Variants in EFCAB6 observed in about 807,000 individuals in gnomAD.
The protein encoded by EFCAB6 is EF-hand calcium-binding domain-containing protein 6.
Under a neutral mutation model 169.8 loss-of-function variants are expected in EFCAB6, and 156 were observed. The observed-to-expected ratio is 0.92, with a 90% CI of 0.81 to 1.05. The LOEUF (loss-of-function observed/expected upper bound fraction) is 1.05. Among genes scored for constraint, EFCAB6 ranks in the 50% least tolerant of loss-of-function variants. The probability of loss-of-function intolerance (pLI) is 0.00; values close to 1 mark genes in which losing one functional copy is unlikely to be tolerated. For synonymous variants in EFCAB6, 698 were observed against 676.4 expected, an observed-to-expected ratio of 1.03 and a Z score of -0.50; for missense variants, 1,800 against 1,829.1, an observed-to-expected ratio of 0.98 and a Z score of 0.29.
At chr22:43,609,721 T>C (rs531716780) in intron 21 of EFCAB6, among the ~76,000 whole-genome samples, 1 of 152,334 alleles carries the variant, frequency 6.6e-6, no homozygotes, top group East Asian at 1.9e-4. Flanking sequence ...AAAGGTGTCA[T>C]TTTCTTTGTG....
chr22:43,771,386 C>T (rs774386271), intron 4 of EFCAB6, among the ~76,000 whole-genome samples: 12 of 152,004 alleles, frequency 7.9e-5, no homozygotes, highest in South Asian at 2.1e-4. Context: ...GCCAAGATAG[C>T]GCCACTGCAC....
intron 17 of EFCAB6, among the ~76,000 whole-genome samples, chr22:43,642,408 T>C (rs79123285): frequency 2.7e-5 from 4 of 150,306 alleles, no homozygotes; most frequent in African/African-American, 4.9e-5. Flanking sequence ...AAAAAAAAAG[T>C]CTGCCTTGTC....
chr22:43,598,567 T>C lies in EFCAB6; in HGVS notation c.2876+1502A>G, dbSNP rs200744253. Among the ~76,000 whole-genome samples, 14 of 152,302 alleles carry C rather than the reference T, an allele frequency of 9.2e-5. No individual in the cohort carries two copies. In the East Asian group the frequency reaches 1.7e-3, roughly 19 times the overall value. On this transcript the variant is annotated intron_variant, in intron 23 of 31. Coordinates refer to ENST00000262726, the MANE Select transcript of EFCAB6 (RefSeq NM_022785.4). ...AATTTTATAACAATAAAATGTTATA[T>C]TGAAGTACACAATAATTTTATTGTA...
chr22:43,592,647 T>A (rs1602479470), intron 23 of EFCAB6, among the ~76,000 whole-genome samples: 1 of 152,082 alleles, frequency 6.6e-6, no homozygotes, highest in East Asian at 1.9e-4. Context: ...CTGCGCTGGG[T>A]CTATGTCCAG....
At chr22:43,670,213 T>C (rs371724115) in intron 15 of EFCAB6, among the ~76,000 whole-genome samples, 37 of 152,320 alleles carry the variant, frequency 2.4e-4, no homozygotes, top group African/African-American at 8.7e-4. Flanking sequence ...GCACAGCAAG[T>C]ACACTTGTTT....
chr22:43,799,884 T>C (rs886782621), intron 2 of EFCAB6, among the ~76,000 whole-genome samples: 1 of 152,066 alleles, frequency 6.6e-6, no homozygotes, highest in Non-Finnish European at 1.5e-5. Context: ...CAAGAAATTT[T>C]CCCCCAATTC....
intron 27 of EFCAB6, chr22:43,553,895 G>A (rs1239969347): frequency 6.5e-6 from 1 of 152,776 alleles, no homozygotes; most frequent in Non-Finnish European, 1.5e-5. Flanking sequence ...GGATCTTAGA[G>A]AGGCAGGGCC....
chr22:43,710,810 G>A (rs1325531182), intron 10 of EFCAB6, among the ~76,000 whole-genome samples: 1 of 152,110 alleles, frequency 6.6e-6, no homozygotes, highest in Non-Finnish European at 1.5e-5. Flanking sequence ...AATGAACATG[G>A]GTCTGTACAT....
Position 43,735,920 on chromosome 22 carries a change from G to A in EFCAB6, c.581C>T (p.Pro194Leu), listed in dbSNP as rs778116425. 3.2e-5 allele frequency: 51 copies of A among 1,613,932 alleles called. No homozygotes were observed. The highest frequency in any genetic ancestry group is 4.2e-5 in the Non-Finnish European group (49 of 1,180,026). Residue 194 changes from proline (P) to leucine (L), a missense_variant, in exon 7 of 32, where the codon CCG becomes CTG. Coordinates refer to ENST00000262726, the MANE Select transcript of EFCAB6 (RefSeq NM_022785.4). ...IDVNKTGLVR[P>L]QELRRVLETF... ...CTCCAGAACCCTTCTTAGCTCCTGC[G>A]GTCGAACCAGTCCAGTCTTGTTAAC...
intron 17 of EFCAB6, among the ~76,000 whole-genome samples, chr22:43,645,198 A>G (rs1306112474): frequency 1.3e-5 from 2 of 152,212 alleles, no homozygotes; most frequent in Non-Finnish European, 2.9e-5. Context: ...CTCCCTTCCC[A>G]ATAAAAATTC....
At chr22:43,564,938 G>A (rs146596617) in intron 26 of EFCAB6, among the ~76,000 whole-genome samples, 1,673 of 152,304 alleles carry the variant, frequency 0.011, 19 homozygotes, top group Admixed American at 0.021. Flanking sequence ...GTGCACGTGC[G>A]TTTGCTTTCT....
chr22:43,565,040 T>A (rs1423401985), intron 26 of EFCAB6, among the ~76,000 whole-genome samples: 1 of 152,188 alleles, frequency 6.6e-6, no homozygotes, highest in Non-Finnish European at 1.5e-5. Flanking sequence ...CAGCTCCCAC[T>A]ACAGAAGCTG....
At chr22:43,626,858 C>A (rs2054564155) in intron 19 of EFCAB6, among the ~76,000 whole-genome samples, 179 bp from the exon 20 acceptor site, 1 of 152,122 alleles carries the variant, frequency 6.6e-6, no homozygotes, top group South Asian at 2.1e-4. Context: ...TTGCTTTTCC[C>A]AAGAAATTAT....
chr22:43,631,992 G>A lies in EFCAB6; in HGVS notation c.2232+113C>T, dbSNP rs967805418. 19 of 1,430,990 alleles carry A rather than the reference G, an allele frequency of 1.3e-5. 1 individual carries two copies. Among genetic ancestry groups the A allele is most frequent in the Admixed American group, 4.5e-5 (2 of 44,916 alleles). 88.6% of individuals were successfully genotyped at this position (1,430,990 alleles called of 1,614,324 possible). ...GGGTCTGCAGAGGGAAATGCTCTGT[G>A]TCCCTTGGGCTGACTGGGACATGAC... On this transcript the variant is annotated intron_variant, in intron 19 of 31. Transcript: ENST00000262726.
At chr22:43,765,204 A>T (rs368048105) in intron 5 of EFCAB6, 101 bp downstream of exon 5, 5 of 825,714 alleles carry the variant, frequency 6.1e-6, no homozygotes, top group Non-Finnish European at 6.0e-6. Flanking sequence ...CTCATCTTCC[A>T]TATATAGCTG....
chr22:43,722,641 G>A lies in EFCAB6; in HGVS notation c.758-5669C>T, dbSNP rs543520050. 4.3e-4 allele frequency among the ~76,000 whole-genome samples: 65 copies of A among 152,252 alleles called. 1 individual carries two copies. In the Middle Eastern group the frequency reaches 0.02, roughly 48 times the overall value. On this transcript the variant is annotated intron_variant, in intron 8 of 31. Coordinates refer to ENST00000262726, the MANE Select transcript of EFCAB6 (RefSeq NM_022785.4). ...ATCAGTTCAGCTACTGTGGAAAGCA[G>A]TTTGGAGATTTCTCAAAGAATTTAA... is the stretch of plus-strand genomic sequence containing the variant.
rs1473958665 is a variant in EFCAB6, at chr22:43,590,142, C to T, written c.2964G>A (p.Lys988=). The change falls in exon 24 of 32, where the codon AAG becomes AAA. Residue 988 remains lysine (K), a synonymous_variant. Coordinates refer to ENST00000262726, the MANE Select transcript of EFCAB6 (RefSeq NM_022785.4). ...CACATTCTTCCAGCACTTCCTGCAT[C>T]TTGCATATGGATATGTAGTTGGTTT... The part of the protein sequence containing the change: ...QSKTNYISIC[K]MQEVLEECGC... The T allele has an allele frequency of 3.1e-6, 5 of 1,614,066 alleles. No homozygotes were observed. The highest frequency in any genetic ancestry group is 1.3e-5 in the African/African-American group (1 of 74,944).
At chr22:43,789,847 T>TCACACACACACACACACACA (rs34752280) in intron 2 of EFCAB6, among the ~76,000 whole-genome samples, 75 of 143,398 alleles carry the variant, frequency 5.2e-4, no homozygotes, top group Admixed American at 1.3e-3. Context: ...TGGCTAACCT[T>TCACACACACACACACACACA]CACACACACA....
At chr22:43,540,069 G>A in intron 28 of EFCAB6, 58 bp downstream of exon 28, 1 of 1,589,392 alleles carries the variant, frequency 6.3e-7, no homozygotes. Context: ...TCCCCCCAGT[G>A]GGATTTGTGG....
Sources: gnomAD v4.1 joint callset for allele counts (sites outside exome capture counted in the v4.1 genomes callset) on GRCh38, gnomAD v4.1.1 for gene constraint, MANE v1.5 for transcripts, NCBI Gene and HGNC (gene_info 2026-07-23, HGNC 2026-07-21) for gene names.